ROBO1: variants seen among roughly 807,000 people sequenced by gnomAD.
ROBO1 encodes the protein roundabout homolog 1.
ROBO1 carries 149 observed loss-of-function variants against 195.9 expected under a neutral mutation model. The observed-to-expected ratio is 0.76, with a 90% CI of 0.67 to 0.87. The LOEUF is 0.87. ROBO1 is among the 40% of genes least tolerant of loss of function. The probability of loss-of-function intolerance (pLI) is 0.00; values close to 1 mark genes in which losing one functional copy is unlikely to be tolerated. For synonymous variants in ROBO1, 816 were observed against 733.2 expected, an observed-to-expected ratio of 1.11 and a Z score of -1.82; for missense variants, 1,933 against 2,068.3, an observed-to-expected ratio of 0.93 and a Z score of 1.27.
At chr3:78,717,957 G>C in intron 5 of ROBO1, 74 bp from the exon 6 acceptor site, 3 of 1,376,096 alleles carry the variant, frequency 2.2e-6, no homozygotes, top group Non-Finnish European at 3.1e-6. Flanking sequence ...GTCTTCATAA[G>C]TGAAGACTGC....
rs1398571359 is a variant in ROBO1, at chr3:78,614,643, C to T, written c.4435+5G>A. On this transcript the variant is annotated splice_donor_5th_base_variant and intron_variant, in intron 28 of 30. Coordinates refer to ENST00000464233, the MANE Select transcript of ROBO1 (RefSeq NM_002941.4). ...AGACGTTTTCATCCGTGTCAATGGA[C>T]TCACCATCTGTGTAGGTTTCTCTGC... The T allele has an allele frequency of 3.1e-6, 5 of 1,613,244 alleles. No homozygotes were observed. Among genetic ancestry groups the T allele is most frequent in the South Asian group, 1.1e-5 (1 of 91,014 alleles).
chr3:79,082,926 A>G (rs572008825), intron 3 of ROBO1, among the ~76,000 whole-genome samples: 3 of 152,124 alleles, frequency 2.0e-5, no homozygotes, highest in Non-Finnish European at 4.4e-5. Context: ...CTTATCTCAG[A>G]TAGTATATTG....
chr3:78,828,725 T>G (rs1413200663), intron 4 of ROBO1, among the ~76,000 whole-genome samples: 1 of 152,320 alleles, frequency 6.6e-6, no homozygotes, highest in Non-Finnish European at 1.5e-5. Flanking sequence ...ACAAGCAAAC[T>G]GTTGCCCTTG....
At chr3:79,049,712 C>G (rs1171564622) in intron 3 of ROBO1, among the ~76,000 whole-genome samples, 1 of 152,130 alleles carries the variant, frequency 6.6e-6, no homozygotes, top group Non-Finnish European at 1.5e-5. Flanking sequence ...GGCAGAAACT[C>G]TACAAGCCAG....
intron 2 of ROBO1, among the ~76,000 whole-genome samples, chr3:79,421,972 C>T (rs1411637672): frequency 1.3e-5 from 2 of 151,558 alleles, no homozygotes; most frequent in Non-Finnish European, 2.9e-5. Context: ...AACCACTGTA[C>T]ATTTTTATAT....
At chr3:78,664,014 T>C (rs751533636) in intron 14 of ROBO1, among the ~76,000 whole-genome samples, 1 of 152,136 alleles carries the variant, frequency 6.6e-6, no homozygotes, top group African/African-American at 2.4e-5. Flanking sequence ...AGTTCCTTCA[T>C]GAAAATTGCT....
intron 5 of ROBO1, among the ~76,000 whole-genome samples, chr3:78,745,410 G>A (rs1443738692): frequency 1.3e-5 from 2 of 151,778 alleles, no homozygotes; most frequent in African/African-American, 2.4e-5. Context: ...TGGTTTTAAT[G>A]TGTTTGAATA....
intron 1 of ROBO1, among the ~76,000 whole-genome samples, chr3:79,618,370 A>T (rs1439759610): frequency 6.6e-6 from 1 of 152,156 alleles, no homozygotes; most frequent in Non-Finnish European, 1.5e-5. Flanking sequence ...GCAACTGAAG[A>T]ACCACAAAAG....
intron 3 of ROBO1, among the ~76,000 whole-genome samples, chr3:79,046,855 T>A (rs774003347): frequency 1.3e-5 from 2 of 152,146 alleles, no homozygotes; most frequent in Non-Finnish European, 2.9e-5. Context: ...CCAATCAACT[T>A]GACACTCAGT....
At chr3:79,003,321 T>C (rs560280795) in intron 3 of ROBO1, among the ~76,000 whole-genome samples, 1 of 152,274 alleles carries the variant, frequency 6.6e-6, no homozygotes, top group African/African-American at 2.4e-5. Flanking sequence ...TTAAATTATT[T>C]TTAAATTTGG....
At chr3:79,550,825 G>A (rs552529199) in intron 2 of ROBO1, among the ~76,000 whole-genome samples, 264 of 152,252 alleles carry the variant, frequency 1.7e-3, no homozygotes, top group Middle Eastern at 0.01. Context: ...GACAAAACGG[G>A]ATTAACTTTG....
At chr3:79,720,947 C>G (rs972758078) in intron 1 of ROBO1, among the ~76,000 whole-genome samples, 1 of 152,022 alleles carries the variant, frequency 6.6e-6, no homozygotes, top group Non-Finnish European at 1.5e-5. Flanking sequence ...CGCCCGCCAC[C>G]GTGCCCGGCT....
At chr3:79,653,139 G>A (rs905403384) in intron 1 of ROBO1, among the ~76,000 whole-genome samples, 1 of 151,248 alleles carries the variant, frequency 6.6e-6, no homozygotes, top group South Asian at 2.1e-4. Flanking sequence ...ACTTACTGGA[G>A]GATTATTACA....
chr3:79,045,056 T>C (rs1309556494), intron 3 of ROBO1, among the ~76,000 whole-genome samples: 2 of 152,030 alleles, frequency 1.3e-5, no homozygotes, highest in African/African-American at 4.8e-5. Context: ...CAGCAAAGAA[T>C]AGTTCTTTGA....
At chr3:79,647,194 T>C (rs563514609) in intron 1 of ROBO1, among the ~76,000 whole-genome samples, 73 of 152,206 alleles carry the variant, frequency 4.8e-4, no homozygotes, top group African/African-American at 1.8e-3. Flanking sequence ...CCAGAAAATA[T>C]GTACATCTAT....
At chr3:79,705,342 A>ATTTTTAGTTACC (rs71130671) in intron 1 of ROBO1, among the ~76,000 whole-genome samples, 98,281 of 151,148 alleles carry the variant, frequency 0.65, 32,127 homozygotes, top group Middle Eastern at 0.73. Context: ...ATTGTGATCC[A>ATTTTTAGTTACC]TTTTTTGAAT....
intron 2 of ROBO1, among the ~76,000 whole-genome samples, chr3:79,558,621 G>A (rs1942798568): frequency 6.6e-6 from 1 of 151,958 alleles, no homozygotes; most frequent in Non-Finnish European, 1.5e-5. Flanking sequence ...TAAGTTAACT[G>A]GTACTTGGAG....
intron 1 of ROBO1, among the ~76,000 whole-genome samples, chr3:79,601,433 C>A (rs1313353413): frequency 6.6e-6 from 1 of 151,924 alleles, no homozygotes; most frequent in Non-Finnish European, 1.5e-5. Context: ...GCTCTATAAG[C>A]ACGGACTTGA....
chr3:79,753,019 ATT>A (rs1382281980), intron 1 of ROBO1, among the ~76,000 whole-genome samples: 1 of 152,130 alleles, frequency 6.6e-6, no homozygotes, highest in African/African-American at 2.4e-5. Flanking sequence ...TCATTAGTTC[ATT>A]TGGGTGGGAA....
Sources: allele counts gnomAD v4.1 joint callset (sites outside exome capture counted in the v4.1 genomes callset), GRCh38; gene constraint gnomAD v4.1.1; transcripts MANE v1.5; gene names NCBI Gene and HGNC (gene_info 2026-07-23, HGNC 2026-07-21).